BEND7: variants seen among roughly 807,000 people sequenced by gnomAD.
BEND7 encodes BEN domain-containing protein 7.
A neutral mutation model predicts 50.9 loss-of-function variants in BEND7; 28 were observed. The ratio of observed to expected loss-of-function variants is 0.55; its 90% CI spans 0.41 to 0.75. BEND7 has a LOEUF of 0.75. Ranked by LOEUF, BEND7 falls within the 30% of genes least tolerant of loss-of-function variation. The pLI is 0.00. For missense variants in BEND7, 477 were observed against 491.3 expected, an observed-to-expected ratio of 0.97 and a Z score of 0.28; for synonymous variants, 170 against 183.9, an observed-to-expected ratio of 0.92 and a Z score of 0.61.
At chr10:13,438,890 G>GA (rs1478516837), downstream of BEND7, 3 of 377,652 alleles carry the variant, frequency 7.9e-6, no homozygotes, top group East Asian at 1.7e-4. Flanking sequence ...TGGGTTCTGT[G>GA]ATAAAGGCTC....
rs182570086 is a variant in BEND7 at position 13,454,088 on chromosome 10, G to A, written c.1064-1430C>T. ...CCTTCAGGAAGCTACTGCGAAAGCC[G>A]GAGCTAGTGACGCGTCTAGGGCCTC... On this transcript the variant is annotated intron_variant, in intron 6 of 8. Coordinates refer to ENST00000466271, the MANE Select transcript of BEND7 (RefSeq NM_001369863.1). Among the ~76,000 whole-genome samples, 4 of 152,334 alleles carry A rather than the reference G, an allele frequency of 2.6e-5. No individual in the cohort carries two copies. The East Asian group carries it at 5.8e-4, about 22-fold the overall frequency.
chr10:13,463,160 T>C (rs1277191127), intron 6 of BEND7, among the ~76,000 whole-genome samples: 2 of 150,524 alleles, frequency 1.3e-5, no homozygotes, highest in Admixed American at 1.3e-4. Flanking sequence ...TTGTGAAAAA[T>C]CAGACCTTGG....
chr10:13,459,090 G>A (rs1435209556), intron 6 of BEND7, among the ~76,000 whole-genome samples: 1 of 152,182 alleles, frequency 6.6e-6, no homozygotes, highest in Non-Finnish European at 1.5e-5. Context: ...ATTTGAGCAC[G>A]CAGTGACGGT....
chr10:13,492,964 T>TGAAACC (rs2076774241), intron 4 of BEND7, 88 bp from the exon 5 acceptor site: 1 of 1,461,312 alleles, frequency 6.8e-7, no homozygotes, highest in African/African-American at 1.4e-5. Context: ...ATCTACAAAC[T>TGAAACC]GAAACCGAAA....
intron 6 of BEND7, among the ~76,000 whole-genome samples, chr10:13,452,875 G>A (rs781010321): frequency 7.9e-5 from 12 of 152,102 alleles, no homozygotes; most frequent in Non-Finnish European, 1.5e-4. Flanking sequence ...CGAAACTGGC[G>A]ATACTCACTA....
intron 6 of BEND7, among the ~76,000 whole-genome samples, chr10:13,464,689 A>G (rs186799899): frequency 1.3e-5 from 2 of 152,360 alleles, no homozygotes; most frequent in East Asian, 3.9e-4. Flanking sequence ...TTCAAGATGA[A>G]GAGGAACACT....
intron 6 of BEND7, among the ~76,000 whole-genome samples, chr10:13,457,819 A>G (rs185225926): frequency 6.6e-6 from 1 of 152,358 alleles, no homozygotes; most frequent in East Asian, 1.9e-4. Context: ...ATGTGAAAAG[A>G]GGTATTGCAT....
chr10:13,468,023 T>C (rs1185082770), intron 6 of BEND7, among the ~76,000 whole-genome samples: 1 of 152,162 alleles, frequency 6.6e-6, no homozygotes, highest in African/African-American at 2.4e-5. Flanking sequence ...AGCATGACCA[T>C]GTATCCCGAT....
intron 6 of BEND7, among the ~76,000 whole-genome samples, chr10:13,472,784 T>C (rs557482418): frequency 2.7e-5 from 4 of 148,442 alleles, no homozygotes; most frequent in Admixed American, 2.7e-4. Context: ...TATCCGTCAT[T>C]GCTCTTAGAC....
At position 13,492,637 on chromosome 10, in the gene BEND7, T is replaced by C. The variant is rs373755422; in HGVS notation, c.811A>G (p.Ile271Val). ...TCTGAGGAAGGTGATTCCAGAACAA[T>C]GCCGAATCCTAGAACGCGGCTCTCC... ...PEESRVLGFG[I>V]VLESPSSDPE... is the part of the protein sequence containing the mutation. The change falls in exon 5 of 9, where the codon ATT (isoleucine) becomes GTT (valine). Residue 271 changes from isoleucine to valine, a missense_variant. Ile to Val is a conservative substitution (Grantham distance 29). Around this residue, in one of 3 missense-constraint regions of BEND7, gnomAD observed 396 missense variants for 384.2 expected, o/e 1.03. Transcript: ENST00000466271. 1.9e-6 allele frequency: 3 copies of C among 1,614,088 alleles called. No individual in the cohort carries two copies. The highest frequency in any genetic ancestry group is 1.1e-5 in the South Asian group (1 of 91,048).
intron 7 of BEND7, among the ~76,000 whole-genome samples, chr10:13,448,146 C>A (rs1486404938): frequency 6.6e-6 from 1 of 152,198 alleles, no homozygotes; most frequent in Non-Finnish European, 1.5e-5. Flanking sequence ...TCGCTCGTGT[C>A]TGATAAATGT....
intron 6 of BEND7, among the ~76,000 whole-genome samples, chr10:13,462,651 G>C (rs148469125): frequency 1.6e-3 from 250 of 152,248 alleles, no homozygotes; most frequent in African/African-American, 5.8e-3. Context: ...GATGGAAATA[G>C]AACAGATAAG....
At chr10:13,494,127 T>C (rs1246157675) in intron 4 of BEND7, among the ~76,000 whole-genome samples, 1 of 152,162 alleles carries the variant, frequency 6.6e-6, no homozygotes, top group African/African-American at 2.4e-5. Context: ...TTAAAAAAAC[T>C]GAGATGCCGG....
chr10:13,498,063 TTC>T (rs2077149895), intron 3 of BEND7, among the ~76,000 whole-genome samples: 1 of 141,466 alleles, frequency 7.1e-6, no homozygotes, highest in South Asian at 2.2e-4. Context: ...TGTAATATAT[TTC>T]TTTTTCTTTT....
At chr10:13,521,237 A>G (rs563361268) in intron 2 of BEND7, among the ~76,000 whole-genome samples, 2 of 151,746 alleles carry the variant, frequency 1.3e-5, no homozygotes, top group East Asian at 2.0e-4. Context: ...AAAGCCTGCC[A>G]TGCGGTTAAG....
intron 7 of BEND7, among the ~76,000 whole-genome samples, chr10:13,451,459 G>A (rs1023932307): frequency 2.5e-4 from 38 of 150,964 alleles, no homozygotes; most frequent in Non-Finnish European, 1.6e-4. Flanking sequence ...GGCTGGTCTC[G>A]ATCTCCTGGG....
intron 6 of BEND7, among the ~76,000 whole-genome samples, chr10:13,466,230 T>TA (rs2131374752): frequency 6.9e-6 from 1 of 144,620 alleles, no homozygotes; most frequent in East Asian, 2.0e-4. Flanking sequence ...TTGAATCCAT[T>TA]TTTTTTTTTT....
chr10:13,464,371 G>C (rs183273870), intron 6 of BEND7, among the ~76,000 whole-genome samples: 1 of 152,306 alleles, frequency 6.6e-6, no homozygotes. Context: ...TCTTTAAAAA[G>C]ATGAAAAAGG....
chr10:13,486,554 CA>C (rs1172561177), intron 5 of BEND7, among the ~76,000 whole-genome samples: 1 of 151,992 alleles, frequency 6.6e-6, no homozygotes, highest in Non-Finnish European at 1.5e-5. Context: ...TTTCATTAAG[CA>C]AAAAATGCTC....
Sources: gnomAD v4.1 joint callset for allele counts (sites outside exome capture counted in the v4.1 genomes callset) on GRCh38, gnomAD v4.1.1 for gene constraint, gnomAD v4.1.1 regional missense constraint, MANE v1.5 for transcripts, NCBI Gene and HGNC (gene_info 2026-07-23, HGNC 2026-07-21) for gene names.